Variants in DEAF1 observed in about 807,000 individuals in gnomAD.
The protein encoded by DEAF1 is DEAF1 transcription factor.
DEAF1 carries 53 observed loss-of-function variants against 58.9 expected under a neutral mutation model. The observed-to-expected ratio is 0.90, with a 90% CI of 0.72 to 1.13. The LOEUF (loss-of-function observed/expected upper bound fraction) is 1.13. Ranked by LOEUF, DEAF1 falls within the 50% of genes most tolerant of loss-of-function variation. The pLI is 0.00. For synonymous variants in DEAF1, 385 were observed against 340.4 expected, an observed-to-expected ratio of 1.13 and a Z score of -1.44; for missense variants, 685 against 791.4, an observed-to-expected ratio of 0.87 and a Z score of 1.61.
chr11:646,669 G>C (rs1858513279), intron 11 of DEAF1: 1 of 152,174 alleles, frequency 6.6e-6, no homozygotes, highest in African/African-American at 2.4e-5. Flanking sequence ...TTTAAAATCA[G>C]AACTACTCAG....
chr11:664,170 G>A (rs1290375745), intron 10 of DEAF1, among the ~76,000 whole-genome samples: 2 of 151,594 alleles, frequency 1.3e-5, no homozygotes, highest in East Asian at 1.9e-4. Context: ...CCGAGATCAC[G>A]CCATTGCACT....
intron 10 of DEAF1, 151 bp from the exon 11 acceptor site, chr11:654,202 T>A (rs1204441928): frequency 3.8e-5 from 24 of 627,504 alleles, no homozygotes; most frequent in Non-Finnish European, 6.3e-5. Flanking sequence ...GGAGTCTCAC[T>A]CTGTCGCCCA....
At chr11:682,968 C>T (rs1468035663) in intron 6 of DEAF1, among the ~76,000 whole-genome samples, 1 of 152,132 alleles carries the variant, frequency 6.6e-6, no homozygotes, top group Non-Finnish European at 1.5e-5. Flanking sequence ...ATGGAGCCTC[C>T]ACCATAGGGA....
intron 11 of DEAF1, among the ~76,000 whole-genome samples, chr11:648,428 C>G (rs1373534723): frequency 3.9e-5 from 6 of 152,226 alleles, no homozygotes; most frequent in Non-Finnish European, 8.8e-5. Flanking sequence ...ATCTCCTGAC[C>G]TCGTGATCCG....
At chr11:656,351 T>C (rs1162037405) in intron 10 of DEAF1, among the ~76,000 whole-genome samples, 2 of 152,052 alleles carry the variant, frequency 1.3e-5, no homozygotes, top group African/African-American at 2.4e-5. Context: ...AGACGGGGTT[T>C]TGCCCTGTTG....
chr11:690,924 G>A (rs573704882), intron 2 of DEAF1, among the ~76,000 whole-genome samples: 4 of 152,316 alleles, frequency 2.6e-5, no homozygotes, highest in East Asian at 3.9e-4. Flanking sequence ...TGCCTGCCCT[G>A]GTTGACCAGA....
intron 11 of DEAF1, among the ~76,000 whole-genome samples, chr11:648,275 A>G (rs911994233): frequency 2.0e-5 from 3 of 149,332 alleles, no homozygotes; most frequent in African/African-American, 2.5e-5. Flanking sequence ...GCTCACTGCA[A>G]GCTCCGCCTC....
chr11:696,566 G>A (rs1861173179), upstream of DEAF1, among the ~76,000 whole-genome samples: 1 of 152,044 alleles, frequency 6.6e-6, no homozygotes. Context: ...ATCATTTGAG[G>A]CCAGCCTGGG....
chr11:654,532 A>G (rs1858953241), intron 10 of DEAF1: 1 of 455,322 alleles, frequency 2.2e-6, no homozygotes, highest in Non-Finnish European at 4.4e-6. Context: ...CTCCAGAATC[A>G]GCTCTTTCCT....
intron 10 of DEAF1, among the ~76,000 whole-genome samples, chr11:664,427 AGAG>A (rs557087414): frequency 4.0e-4 from 60 of 151,814 alleles, no homozygotes; most frequent in African/African-American, 1.4e-3. Context: ...ATTCACACCG[AGAG>A]GAGGAGGACA....
At position 700,276 on chromosome 11, in the gene DEAF1, C is replaced by T. The variant is rs373294269; in HGVS notation, c.-438+6296G>A. ...GCACAGTGGCTCACGCCTGTAATCC[C>T]AACATTTTGGGAGGCTGAGGTGGGC... On this transcript the variant is annotated intron_variant, in intron 1 of 11. Coordinates refer to the DEAF1 transcript ENST00000683307. 16 of 1,571,600 alleles carry T rather than the reference C, an allele frequency of 1.0e-5. No homozygotes were observed. The African/African-American group carries it at 1.9e-4, about 19-fold the overall frequency.
rs1317706852 is a variant in DEAF1 at position 653,304 on chromosome 11, CA to C, written c.1593+657del. On this transcript the variant is annotated intron_variant, in intron 11 of 11. Coordinates refer to ENST00000382409, the MANE Select transcript of DEAF1 (RefSeq NM_021008.4). ...GGCTCAATAATAGAGGAACTGTGGA[CA>C]GTCTCTCTCTCGCGTGGCTCTGCAG... is the stretch of plus-strand genomic sequence containing the variant. Among the ~76,000 whole-genome samples the C allele has an allele frequency of 5.3e-4, 68 of 127,874 alleles. 3 individuals are homozygous for C. The highest frequency in any genetic ancestry group is 1.8e-3 in the African/African-American group (55 of 29,938). 83.9% of individuals were successfully genotyped at this position (127,874 alleles called of 152,430 possible).
In DEAF1 at chr11:695,004, T is replaced by C. The variant is rs1481751613; in HGVS notation, c.44A>G (p.Glu15Gly). ...GGCCGCGGCCGCCACCGCCGCCGCC[T>C]CAGCCAGGCCCAGCTGCTTTGCCGC... ...DSAAKQLGLA[E>G]AAAVAAAAAV... The change falls in exon 1 of 12, where the codon GAG (glutamate) becomes GGG (glycine). Residue 15 changes from glutamate to glycine, a missense_variant. Glu to Gly is a moderately conservative substitution (Grantham distance 98, BLOSUM62 -2). Transcript: ENST00000382409. 1.6e-6 allele frequency: 2 copies of C among 1,234,844 alleles called. No individual in the cohort carries two copies. The highest frequency in any genetic ancestry group is 1.0e-6 in the Non-Finnish European group (1 of 987,152). 76.5% of individuals were successfully genotyped at this position (1,234,844 alleles called of 1,614,324 possible).
At chr11:703,936 C>T in intron 1 of DEAF1, 2 of 1,245,144 alleles carry the variant, frequency 1.6e-6, no homozygotes, top group South Asian at 3.9e-5. Flanking sequence ...TAAACAAATT[C>T]TAGCTCTGTG....
At chr11:645,364 C>A (rs779059738) in intron 11 of DEAF1, among the ~76,000 whole-genome samples, 13 of 150,208 alleles carry the variant, frequency 8.7e-5, no homozygotes, top group Admixed American at 2.0e-4. Flanking sequence ...GTTTCCCAGG[C>A]TGGAGTGTAA....
At chr11:670,005 G>A (rs1859740373) in intron 10 of DEAF1, among the ~76,000 whole-genome samples, 1 of 151,340 alleles carries the variant, frequency 6.6e-6, no homozygotes, top group African/African-American at 2.4e-5. Context: ...GGTGGCGCAA[G>A]GCTGCAGTGA....
chr11:662,823 C>A (rs1290888246), intron 10 of DEAF1, among the ~76,000 whole-genome samples: 2 of 152,174 alleles, frequency 1.3e-5, no homozygotes, highest in Non-Finnish European at 2.9e-5. Context: ...CAGCACTGGG[C>A]ACAACCACGT....
intron 11 of DEAF1, chr11:646,205 A>G (rs1313710750): frequency 2.2e-5 from 3 of 133,954 alleles, no homozygotes; most frequent in African/African-American, 5.5e-5. Context: ...GTAAGCCAAG[A>G]TTGTGCCACG....
At chr11:672,035 G>C (rs1859851724) in intron 10 of DEAF1, among the ~76,000 whole-genome samples, 1 of 152,116 alleles carries the variant, frequency 6.6e-6, no homozygotes, top group South Asian at 2.1e-4. Flanking sequence ...AATAGTCATT[G>C]AGTGGTGTTG....
Sources: allele counts gnomAD v4.1 joint callset (sites outside exome capture counted in the v4.1 genomes callset), GRCh38; gene constraint gnomAD v4.1.1; transcripts MANE v1.5; gene names NCBI Gene and HGNC (gene_info 2026-07-23, HGNC 2026-07-21).